CSMD1: variants seen among roughly 807,000 people sequenced by gnomAD.
CSMD1 encodes CUB and Sushi multiple domains 1, also known as CUB and sushi domain-containing protein 1.
Under a neutral mutation model 417.5 loss-of-function variants are expected in CSMD1, and 213 were observed. The ratio of observed to expected loss-of-function variants is 0.51; its 90% CI spans 0.46 to 0.57. CSMD1 has a LOEUF of 0.57. Among genes scored for constraint, CSMD1 ranks in the 20% least tolerant of loss-of-function variants. The pLI is 0.00. For synonymous variants in CSMD1, 2,862 were observed against 1,736.8 expected, an observed-to-expected ratio of 1.65 and a Z score of -16.11; for missense variants, 6,923 against 4,529.7, an observed-to-expected ratio of 1.53 and a Z score of -15.17.
intron 43 of CSMD1, 60 bp from the exon 44 acceptor site, chr8:3,108,808 GA>G: frequency 2.7e-6 from 4 of 1,496,374 alleles, no homozygotes; most frequent in Non-Finnish European, 3.6e-6. Flanking sequence ...GAGATTTATG[GA>G]AACTTTGGCT....
chr8:2,986,053 A>C (rs1443055001), intron 54 of CSMD1, among the ~76,000 whole-genome samples: 1 of 150,682 alleles, frequency 6.6e-6, no homozygotes, highest in Non-Finnish European at 1.5e-5. Flanking sequence ...AGAAGGAAGG[A>C]AGGAAGGAAG....
chr8:3,038,157 A>C (rs1412191327), intron 50 of CSMD1, among the ~76,000 whole-genome samples: 2 of 152,210 alleles, frequency 1.3e-5, no homozygotes, highest in Non-Finnish European at 2.9e-5. Flanking sequence ...TCGGTAGCCT[A>C]AAGGCAAACC....
At chr8:3,691,378 CAAAACAAA>C (rs927506345) in intron 7 of CSMD1, among the ~76,000 whole-genome samples, 3 of 147,794 alleles carry the variant, frequency 2.0e-5, no homozygotes, top group African/African-American at 7.8e-5. Context: ...AAAAAAAAAA[CAAAACAAA>C]AAAACAAAAA....
At chr8:4,435,266 G>T (rs1263939261) in intron 2 of CSMD1, among the ~76,000 whole-genome samples, 1 of 152,106 alleles carries the variant, frequency 6.6e-6, no homozygotes, top group Non-Finnish European at 1.5e-5. Context: ...TAAGTACTTT[G>T]TTAATCCACC....
At chr8:4,670,912 G>C (rs907056252) in intron 1 of CSMD1, among the ~76,000 whole-genome samples, 5 of 152,130 alleles carry the variant, frequency 3.3e-5, no homozygotes, top group Admixed American at 1.3e-4. Flanking sequence ...TAGTGACAAG[G>C]ATAGCTTTAT....
intron 5 of CSMD1, among the ~76,000 whole-genome samples, chr8:3,792,840 G>C (rs1799826664): frequency 6.6e-6 from 1 of 152,160 alleles, no homozygotes; most frequent in Admixed American, 6.5e-5. Context: ...TATTTGACTT[G>C]AAGCACAGGA....
chr8:3,560,922 G>A (rs926620881), intron 10 of CSMD1, among the ~76,000 whole-genome samples: 10 of 151,990 alleles, frequency 6.6e-5, no homozygotes, highest in East Asian at 3.9e-4. Context: ...TGTTACAGAC[G>A]CCTCACGTTG....
chr8:4,173,075 T>C (rs898464940), intron 3 of CSMD1, among the ~76,000 whole-genome samples: 3 of 152,100 alleles, frequency 2.0e-5, no homozygotes, highest in African/African-American at 7.2e-5. Flanking sequence ...ATAACTTCCA[T>C]CTTAATTTCA....
chr8:4,058,041 T>A (rs569446514), intron 3 of CSMD1, among the ~76,000 whole-genome samples: 1 of 152,024 alleles, frequency 6.6e-6, no homozygotes, highest in African/African-American at 2.4e-5. Flanking sequence ...CCATATGAAT[T>A]TTAAAGTAGT....
chr8:4,484,262 T>C (rs1228232868), intron 2 of CSMD1, among the ~76,000 whole-genome samples: 3 of 152,142 alleles, frequency 2.0e-5, no homozygotes. Context: ...AGGATTTTCT[T>C]CTAGGAACAA....
chr8:3,801,869 C>G (rs780963332), intron 5 of CSMD1, among the ~76,000 whole-genome samples: 1 of 152,046 alleles, frequency 6.6e-6, no homozygotes, highest in Non-Finnish European at 1.5e-5. Context: ...TGAAAAATCA[C>G]AAAACACCAC....
chr8:3,182,623 T>TATTGTTA (rs1302795086), intron 36 of CSMD1, among the ~76,000 whole-genome samples: 1 of 55,914 alleles, frequency 1.8e-5, no homozygotes, highest in African/African-American at 4.6e-5. Flanking sequence ...TGTGTGTGTG[T>TATTGTTA]GTGTGTGTGT....
intron 3 of CSMD1, among the ~76,000 whole-genome samples, chr8:4,034,526 A>T (rs1289144134): frequency 6.6e-6 from 1 of 152,206 alleles, no homozygotes; most frequent in Admixed American, 6.5e-5. Flanking sequence ...ATTAAAAGTG[A>T]CATTTATAAG....
chr8:4,655,729 T>C (rs535088715), intron 1 of CSMD1, among the ~76,000 whole-genome samples: 6 of 152,120 alleles, frequency 3.9e-5, no homozygotes, highest in African/African-American at 1.4e-4. Flanking sequence ...ATGATGTTCA[T>C]AAGAAATGCC....
At chr8:3,731,533 G>A (rs1353179566) in intron 6 of CSMD1, among the ~76,000 whole-genome samples, 2 of 152,304 alleles carry the variant, frequency 1.3e-5, no homozygotes, top group South Asian at 2.1e-4. Flanking sequence ...AGTGCAGCCA[G>A]TATGGCTGGG....
intron 1 of CSMD1, among the ~76,000 whole-genome samples, chr8:4,807,144 G>A (rs1798635789): frequency 6.6e-6 from 1 of 152,128 alleles, no homozygotes; most frequent in Admixed American, 6.5e-5. Flanking sequence ...GACTACTCGA[G>A]TAATTTAGGA....
At chr8:3,348,768 T>C (rs144107983) in intron 21 of CSMD1, among the ~76,000 whole-genome samples, 67 of 152,280 alleles carry the variant, frequency 4.4e-4, no homozygotes, top group African/African-American at 1.5e-3. Flanking sequence ...AAGAGAAAAA[T>C]TGACTTCTAG....
chr8:3,877,953 G>C (rs561903606), intron 5 of CSMD1, among the ~76,000 whole-genome samples: 15 of 151,692 alleles, frequency 9.9e-5, no homozygotes, highest in Non-Finnish European at 1.6e-4. Context: ...TCTACATCAA[G>C]GTCATGCAAA....
rs141857654 is a variant in CSMD1 at position 4,518,017 on chromosome 8, C to G, written c.303-97952G>C. Among the ~76,000 whole-genome samples the G allele has an allele frequency of 4.9e-3, 740 of 152,160 alleles. 6 individuals are homozygous for G. Among genetic ancestry groups the G allele is most frequent in the African/African-American group, 0.017 (701 of 41,510 alleles). ...GATACTCATTAAATTGATACATAAG[C>G]TGTTTAAGAAAGATAAATACTGCAC... On this transcript the variant is annotated intron_variant, in intron 2 of 69. Coordinates refer to ENST00000635120, the MANE Select transcript of CSMD1 (RefSeq NM_033225.6).
Sources: allele counts gnomAD v4.1 joint callset (sites outside exome capture counted in the v4.1 genomes callset), GRCh38; gene constraint gnomAD v4.1.1; transcripts MANE v1.5; gene names NCBI Gene and HGNC (gene_info 2026-07-23, HGNC 2026-07-21).